SLC9A9: variants seen among roughly 807,000 people sequenced by gnomAD.
SLC9A9 encodes the protein solute carrier family 9 member A9, also known as sodium/hydrogen exchanger 9.
A neutral mutation model predicts 77.8 loss-of-function variants in SLC9A9; 62 were observed. That is an observed-to-expected ratio of 0.80 (90% CI 0.65 to 0.98). The LOEUF (loss-of-function observed/expected upper bound fraction) is 0.98. SLC9A9 is among the 50% of genes least tolerant of loss of function. SLC9A9 has a pLI of 0.00. For synonymous variants in SLC9A9, 320 were observed against 283.5 expected (o/e 1.13, Z -1.29); for missense variants, 775 against 774.9 (o/e 1.00, Z 0.00).
chr3:143,736,050 C>A (rs111559231), intron 4 of SLC9A9, among the ~76,000 whole-genome samples: 2 of 152,158 alleles, frequency 1.3e-5, no homozygotes, highest in Non-Finnish European at 2.9e-5. Context: ...ACGGAAAATG[C>A]TTTTATAGAA....
chr3:143,814,065 C>T (rs561914660), intron 2 of SLC9A9, among the ~76,000 whole-genome samples: 22 of 152,204 alleles, frequency 1.4e-4, no homozygotes, highest in African/African-American at 5.1e-4. Context: ...AGGCATATGG[C>T]AGGGAGGACT....
chr3:143,318,089 T>C (rs2031288094), intron 14 of SLC9A9, among the ~76,000 whole-genome samples: 1 of 152,206 alleles, frequency 6.6e-6, no homozygotes, highest in Non-Finnish European at 1.5e-5. Context: ...CAATGGGATT[T>C]CTAGTAGATT....
At chr3:143,513,667 T>C (rs1326474674) in intron 9 of SLC9A9, among the ~76,000 whole-genome samples, 3 of 152,308 alleles carry the variant, frequency 2.0e-5, no homozygotes, top group Non-Finnish European at 4.4e-5. Context: ...AGCTATAGCC[T>C]TGCAAAATGT....
chr3:143,445,473 A>T (rs1169096325), intron 12 of SLC9A9, among the ~76,000 whole-genome samples: 1 of 152,208 alleles, frequency 6.6e-6, no homozygotes, highest in Non-Finnish European at 1.5e-5. Context: ...GGGAGTTTCA[A>T]TCCTTTTGCT....
At chr3:143,655,856 GTGGACTGCACTC>G (rs1196899660) in intron 5 of SLC9A9, among the ~76,000 whole-genome samples, 1 of 152,172 alleles carries the variant, frequency 6.6e-6, no homozygotes, top group African/African-American at 2.4e-5. Context: ...AGCCAGTGGT[GTGGACTGCACTC>G]TGAGAAGCTT....
chr3:143,678,087 A>C (rs1007058049), intron 5 of SLC9A9, among the ~76,000 whole-genome samples: 5 of 152,016 alleles, frequency 3.3e-5, no homozygotes, highest in African/African-American at 1.2e-4. Context: ...CAGCCTCCCA[A>C]AGTGCTGGGA....
chr3:143,823,673 ATAAAT>A (rs1220568371), intron 2 of SLC9A9, among the ~76,000 whole-genome samples: 2 of 151,988 alleles, frequency 1.3e-5, no homozygotes, highest in East Asian at 3.8e-4. Flanking sequence ...AAATTAAAAA[ATAAAT>A]TAAAAATTAA....
intron 2 of SLC9A9, among the ~76,000 whole-genome samples, chr3:143,809,041 C>A (rs2008797008): frequency 6.6e-6 from 1 of 152,120 alleles, no homozygotes; most frequent in African/African-American, 2.4e-5. Flanking sequence ...ATCAGGAACA[C>A]CATTATTGAT....
intron 9 of SLC9A9, among the ~76,000 whole-genome samples, chr3:143,507,282 A>T (rs1232856615): frequency 2.0e-5 from 3 of 151,930 alleles, no homozygotes; most frequent in Non-Finnish European, 4.4e-5. Context: ...ATCTCTGCTC[A>T]CTGCAAGCTC....
chr3:143,596,455 T>C (rs2037753352), intron 6 of SLC9A9, among the ~76,000 whole-genome samples: 1 of 152,176 alleles, frequency 6.6e-6, no homozygotes, highest in African/African-American at 2.4e-5. Context: ...CTGTAGCCTT[T>C]TTGAAGTTTT....
intron 11 of SLC9A9, among the ~76,000 whole-genome samples, chr3:143,487,695 G>A (rs1177145795): frequency 1.3e-5 from 2 of 151,716 alleles, no homozygotes; most frequent in Non-Finnish European, 3.0e-5. Context: ...ATACTAAGAG[G>A]TGAATGATAA....
At chr3:143,757,549 T>G (rs1230743172) in intron 4 of SLC9A9, among the ~76,000 whole-genome samples, 1 of 152,102 alleles carries the variant, frequency 6.6e-6, no homozygotes, top group Non-Finnish European at 1.5e-5. Context: ...GGGCAGGACT[T>G]TCCTGCTCAT....
chr3:143,695,268 G>A (rs1430249576), intron 4 of SLC9A9, among the ~76,000 whole-genome samples: 5 of 152,056 alleles, frequency 3.3e-5, no homozygotes, highest in Non-Finnish European at 5.9e-5. Flanking sequence ...TACATGCCAT[G>A]GTGGTTTGCT....
At chr3:143,566,090 A>G (rs1031510337) in intron 8 of SLC9A9, among the ~76,000 whole-genome samples, 1 of 152,130 alleles carries the variant, frequency 6.6e-6, no homozygotes, top group East Asian at 1.9e-4. Context: ...CAACTTACTT[A>G]CTCAGACAAG....
chr3:143,690,733 T>G (rs1329305575), intron 5 of SLC9A9, among the ~76,000 whole-genome samples: 1 of 152,188 alleles, frequency 6.6e-6, no homozygotes, highest in African/African-American at 2.4e-5. Context: ...ATTGGTCACA[T>G]GTGCAGGATG....
chr3:143,833,333 G>A (rs2009486086), intron 1 of SLC9A9, among the ~76,000 whole-genome samples: 1 of 152,134 alleles, frequency 6.6e-6, no homozygotes, highest in Admixed American at 6.5e-5. Flanking sequence ...TTAGAATACA[G>A]GCCCAGTCTT....
At chr3:143,407,617 T>C (rs2034007448) in intron 12 of SLC9A9, among the ~76,000 whole-genome samples, 1 of 152,132 alleles carries the variant, frequency 6.6e-6, no homozygotes, top group Admixed American at 6.5e-5. Flanking sequence ...TTTCAGAGAA[T>C]TGCAAGTTGA....
At chr3:143,311,366 TAAGG>T (rs1217405889) in intron 14 of SLC9A9, among the ~76,000 whole-genome samples, 2 of 152,250 alleles carry the variant, frequency 1.3e-5, no homozygotes, top group East Asian at 3.8e-4. Context: ...TTTTAACAGA[TAAGG>T]AATGACTTAA....
intron 12 of SLC9A9, among the ~76,000 whole-genome samples, chr3:143,386,739 C>T (rs1031386145): frequency 6.6e-6 from 1 of 152,132 alleles, no homozygotes; most frequent in Non-Finnish European, 1.5e-5. Context: ...ACAATTGAGC[C>T]ACAAGGAGCA....
Sources: allele counts gnomAD v4.1 joint callset (sites outside exome capture counted in the v4.1 genomes callset), GRCh38; gene constraint gnomAD v4.1.1; transcripts MANE v1.5; gene names NCBI Gene and HGNC (gene_info 2026-07-23, HGNC 2026-07-21).